PACRG: variants seen among roughly 807,000 people sequenced by gnomAD.
PACRG encodes parkin coregulated, also known as parkin coregulated gene protein.
In PACRG, 29 loss-of-function variants were observed where a neutral mutation model predicts 29.7. The observed-to-expected ratio is 0.98, with a 90% CI of 0.73 to 1.33. The LOEUF is 1.33. Ranked by LOEUF, PACRG falls within the 40% of genes most tolerant of loss-of-function variation. The pLI is 0.00. For synonymous variants in PACRG, 116 were observed against 118.7 expected (o/e 0.98, Z 0.15); for missense variants, 279 against 316.2 (o/e 0.88, Z 0.89).
chr6:163,240,796 G>T (rs1197344088), intron 4 of PACRG, among the ~76,000 whole-genome samples: 1 of 152,196 alleles, frequency 6.6e-6, no homozygotes, highest in Non-Finnish European at 1.5e-5. Context: ...ATTCCGGAGC[G>T]CAGCTCTGCC....
At chr6:163,291,179 G>T (rs1391505301) in intron 4 of PACRG, among the ~76,000 whole-genome samples, 1 of 147,940 alleles carries the variant, frequency 6.8e-6, no homozygotes, top group Non-Finnish European at 1.5e-5. Flanking sequence ...ATGACCCTCT[G>T]CCTGCCCGAG....
intron 4 of PACRG, among the ~76,000 whole-genome samples, chr6:163,139,940 T>A (rs771744534): frequency 6.6e-6 from 1 of 152,166 alleles, no homozygotes; most frequent in Non-Finnish European, 1.5e-5. Context: ...CTCCTGCCTG[T>A]GAAAGTTGAC....
intron 4 of PACRG, among the ~76,000 whole-genome samples, chr6:163,305,937 T>G (rs1379320523): frequency 6.6e-6 from 1 of 152,208 alleles, no homozygotes; most frequent in Admixed American, 6.5e-5. Context: ...CCTCCTGCTC[T>G]CGCTGTGATG....
chr6:163,167,490 T>C (rs1778867430), intron 4 of PACRG, among the ~76,000 whole-genome samples: 1 of 152,202 alleles, frequency 6.6e-6, no homozygotes, highest in Non-Finnish European at 1.5e-5. Context: ...AAATGTAACA[T>C]AGTTTAGAAA....
chr6:162,860,428 T>A (rs566025363), intron 2 of PACRG, among the ~76,000 whole-genome samples: 1 of 152,234 alleles, frequency 6.6e-6, no homozygotes, highest in Non-Finnish European at 1.5e-5. Context: ...GTAAGTTGTC[T>A]AGCAGAACAT....
At chr6:162,809,896 C>T in intron 1 of PACRG, among the ~76,000 whole-genome samples, 1 of 152,110 alleles carries the variant, frequency 6.6e-6, no homozygotes, top group East Asian at 1.9e-4. Context: ...AGTAAAGAGG[C>T]CCCAACATCT....
chr6:162,867,770 G>C (rs1792424758), intron 2 of PACRG, among the ~76,000 whole-genome samples: 1 of 152,148 alleles, frequency 6.6e-6, no homozygotes. Flanking sequence ...ACATCTCCCA[G>C]TCAGAACAGG....
intron 4 of PACRG, among the ~76,000 whole-genome samples, chr6:163,211,524 A>G (rs1040650402): frequency 2.0e-5 from 3 of 152,190 alleles, no homozygotes; most frequent in East Asian, 1.9e-4. Flanking sequence ...TTCATAACTT[A>G]GAATCTAGGC....
chr6:162,988,490 AAAACAGCCAC>A (rs1803108802), intron 2 of PACRG, among the ~76,000 whole-genome samples: 1 of 152,164 alleles, frequency 6.6e-6, no homozygotes, highest in South Asian at 2.1e-4. Context: ...ATTGGGTATG[AAAACAGCCAC>A]ATAGCTGTTT....
chr6:162,813,712 A>G (rs1787077885), intron 1 of PACRG, among the ~76,000 whole-genome samples: 1 of 152,138 alleles, frequency 6.6e-6, no homozygotes, highest in Non-Finnish European at 1.5e-5. Flanking sequence ...TATTTTCCAT[A>G]TATATAGAAA....
chr6:162,787,582 G>GTGTGTATGTA (rs1198197561), intron 1 of PACRG, among the ~76,000 whole-genome samples: 1 of 62,418 alleles, frequency 1.6e-5, no homozygotes, highest in South Asian at 7.1e-4. Context: ...GTGTGTGTGT[G>GTGTGTATGTA]TATATATATA....
At chr6:163,067,763 A>G (rs1021035569) in intron 3 of PACRG, among the ~76,000 whole-genome samples, 5 of 152,040 alleles carry the variant, frequency 3.3e-5, no homozygotes, top group Admixed American at 1.3e-4. Context: ...TTAGAATTTA[A>G]CTCCCCTCCA....
intron 4 of PACRG, among the ~76,000 whole-genome samples, chr6:163,243,150 T>A (rs906940204): frequency 2.6e-5 from 4 of 152,250 alleles, no homozygotes; most frequent in African/African-American, 9.6e-5. Context: ...TTACGTGATG[T>A]ATCACTGGCT....
At chr6:163,172,236 C>T (rs1329954022) in intron 4 of PACRG, among the ~76,000 whole-genome samples, 3 of 152,178 alleles carry the variant, frequency 2.0e-5, no homozygotes, top group African/African-American at 7.2e-5. Context: ...TGGAAATTTC[C>T]AGTTCCTCTA....
At chr6:163,227,804 A>G (rs7747526) in intron 4 of PACRG, among the ~76,000 whole-genome samples, 1,834 of 152,264 alleles carry the variant, frequency 0.012, 41 homozygotes, top group African/African-American at 0.043. Context: ...GAAACCCACA[A>G]CTTGGGTGTT....
At chr6:162,776,184 G>A (rs1011517345) in intron 1 of PACRG, among the ~76,000 whole-genome samples, 3 of 152,190 alleles carry the variant, frequency 2.0e-5, no homozygotes, top group Non-Finnish European at 2.9e-5. Flanking sequence ...CTTCGTGACA[G>A]CAATTACATA....
At chr6:163,299,000 C>T (rs539917795) in intron 4 of PACRG, among the ~76,000 whole-genome samples, 1 of 152,292 alleles carries the variant, frequency 6.6e-6, no homozygotes, top group East Asian at 1.9e-4. Context: ...CTTGCCAGGA[C>T]TTCTCACTCT....
chr6:162,813,910 T>C (rs1445366938), intron 1 of PACRG, among the ~76,000 whole-genome samples: 1 of 152,202 alleles, frequency 6.6e-6, no homozygotes, highest in East Asian at 1.9e-4. Flanking sequence ...AGACATTTTC[T>C]AGGAATGCTT....
In PACRG at chr6:162,881,961, T is replaced by TGGC. The variant is rs1554297468; in HGVS notation, c.291+67682_291+67683insCGG. On this transcript the variant is annotated intron_variant, in intron 2 of 4. Transcript: ENST00000366888. ...CCTCTCCACCAAGACCAGAGATGGGTGGGGGGGGGCACTCTTCCACTAAGG... is the reference window on the plus strand; with the variant it reads ...CCTCTCCACCAAGACCAGAGATGGGTGGCGGGGGGGGGCACTCTTCCACTAAGG... 1.0e-4 allele frequency among the ~76,000 whole-genome samples: 6 copies of TGGC among 59,998 alleles called. 1 individual carries two copies. Among genetic ancestry groups the TGGC allele is most frequent in the African/African-American group, 4.3e-4 (6 of 14,070 alleles). The allele number at this position is 59,998 out of a possible 152,430, so 39.4% of individuals were successfully genotyped here.
Sources: gnomAD v4.1 joint callset for allele counts (sites outside exome capture counted in the v4.1 genomes callset) on GRCh38, gnomAD v4.1.1 for gene constraint, MANE v1.5 for transcripts, NCBI Gene and HGNC (gene_info 2026-07-23, HGNC 2026-07-21) for gene names.